Variants in SH3BGR observed in about 807,000 individuals in gnomAD.
SH3BGR encodes SH3 domain binding glutamate rich protein, also known as SH3 domain-binding glutamic acid-rich protein.
In SH3BGR, 29 loss-of-function variants were observed where a neutral mutation model predicts 24.5. The ratio of observed to expected loss-of-function variants is 1.18; its 90% CI spans 0.88 to 1.61. SH3BGR has a LOEUF of 1.61. SH3BGR is among the 40% of genes most tolerant of loss of function. The probability of loss-of-function intolerance (pLI) is 0.00; values close to 1 mark genes in which losing one functional copy is unlikely to be tolerated. For synonymous variants in SH3BGR, 55 were observed against 65.7 expected (o/e 0.84, Z 0.79); for missense variants, 162 against 205.8 (o/e 0.79, Z 1.30).
intron 1 of SH3BGR, among the ~76,000 whole-genome samples, chr21:39,455,184 T>A (rs1224803745): frequency 6.6e-6 from 1 of 152,224 alleles, no homozygotes; most frequent in Non-Finnish European, 1.5e-5. Context: ...TCTGACACAG[T>A]CTAGTAGCTA....
At chr21:39,514,957 C>T in intron 6 of SH3BGR, 131 bp from the exon 7 acceptor site, 1 of 295,264 alleles carries the variant, frequency 3.4e-6, no homozygotes, top group Non-Finnish European at 6.8e-6. Context: ...CAGTGGGGAG[C>T]AAATGATGAC....
At chr21:39,450,724 G>T (rs1602054892), upstream of SH3BGR, among the ~76,000 whole-genome samples, 1 of 152,220 alleles carries the variant, frequency 6.6e-6, no homozygotes, top group African/African-American at 2.4e-5. Context: ...AAATCTATCA[G>T]AAGAATTTGC....
chr21:39,507,620 A>T (rs1172283607), intron 4 of SH3BGR, among the ~76,000 whole-genome samples: 1 of 151,728 alleles, frequency 6.6e-6, no homozygotes, highest in Admixed American at 6.6e-5. Context: ...GGCATGAGCC[A>T]CTGTGCCTGG....
In SH3BGR at chr21:39,511,427, T is replaced by G. The variant is rs1215671922; in HGVS notation, c.436-253T>G. 6.8e-6 allele frequency among the ~76,000 whole-genome samples: 1 copy of G among 146,060 alleles called. No individual in the cohort carries two copies. The highest frequency in any genetic ancestry group is 2.5e-5 in the African/African-American group (1 of 39,296). ...TGTGTCTGGGTGGTGTGTGGGGGGG[T>G]GTGTGTGCTGTGTGTCATGTGTGTT... is the stretch of plus-strand genomic sequence containing the variant. On this transcript the variant is annotated intron_variant, in intron 5 of 6. Coordinates refer to ENST00000333634, the MANE Select transcript of SH3BGR (RefSeq NM_007341.3). This position sits in a 1 kb window ranked among gnomAD's most constrained non-coding sequence, Gnocchi z 4.2.
intron 6 of SH3BGR, among the ~76,000 whole-genome samples, chr21:39,513,266 T>C (rs2078728141): frequency 1.3e-5 from 2 of 152,144 alleles, no homozygotes; most frequent in Non-Finnish European, 2.9e-5. Flanking sequence ...GGCAGGTCTC[T>C]AGTTAAGAAT....
intron 5 of SH3BGR, among the ~76,000 whole-genome samples, chr21:39,510,178 G>A (rs2078654043): frequency 7.9e-6 from 1 of 127,160 alleles, no homozygotes; most frequent in Non-Finnish European, 1.7e-5. Context: ...TCCTGACCTT[G>A]TGATCCGCCC....
In SH3BGR at chr21:39,470,104, C is replaced by G. The variant is rs184248053; in HGVS notation, c.232-5031C>G. ...TTCTCAGTTTTGCAGTTTTTTTAAT[C>G]CTTTCTTGATGTAATTTTACTAAAG... On this transcript the variant is annotated intron_variant, in intron 2 of 6. Coordinates refer to ENST00000333634, the MANE Select transcript of SH3BGR (RefSeq NM_007341.3). Among the ~76,000 whole-genome samples, 4 of 151,412 alleles carry G rather than the reference C, an allele frequency of 2.6e-5. 1 individual carries two copies. The East Asian group carries it at 7.8e-4, about 29-fold the overall frequency.
At chr21:39,496,165 G>A (rs1235825703) in intron 3 of SH3BGR, among the ~76,000 whole-genome samples, 2 of 152,140 alleles carry the variant, frequency 1.3e-5, no homozygotes, top group Non-Finnish European at 2.9e-5. Context: ...GTAATAATGT[G>A]TAATAAGTCT....
chr21:39,478,762 A>G (rs944017228), intron 3 of SH3BGR, among the ~76,000 whole-genome samples: 2 of 151,706 alleles, frequency 1.3e-5, no homozygotes, highest in Non-Finnish European at 2.9e-5. Context: ...TTAATTTTCT[A>G]CCTTATCTTC....
intron 3 of SH3BGR, among the ~76,000 whole-genome samples, chr21:39,482,595 A>C (rs2123425853): frequency 6.6e-6 from 1 of 152,376 alleles, no homozygotes; most frequent in South Asian, 2.1e-4. Flanking sequence ...TGAAAATGTT[A>C]GCAAGTGTTC....
intron 3 of SH3BGR, among the ~76,000 whole-genome samples, chr21:39,494,549 T>C (rs959863052): frequency 2.2e-4 from 34 of 152,092 alleles, no homozygotes; most frequent in Admixed American, 2.2e-3. Context: ...TTCCCTTCTG[T>C]CTTCTGATCT....
intron 1 of SH3BGR, among the ~76,000 whole-genome samples, chr21:39,461,971 C>T (rs1191976456): frequency 6.6e-6 from 1 of 152,222 alleles, no homozygotes; most frequent in East Asian, 1.9e-4. Flanking sequence ...GCCTCAGCCT[C>T]TCAAGTAGCT....
chr21:39,456,971 A>G (rs1377139443), intron 1 of SH3BGR, among the ~76,000 whole-genome samples: 1 of 151,016 alleles, frequency 6.6e-6, no homozygotes, highest in Non-Finnish European at 1.5e-5. Context: ...ATTACCATTT[A>G]TATAAGTTTA....
intron 4 of SH3BGR, among the ~76,000 whole-genome samples, chr21:39,508,240 T>C (rs949562295): frequency 2.0e-5 from 3 of 152,216 alleles, no homozygotes; most frequent in Admixed American, 6.5e-5. Context: ...CACATCTCTC[T>C]CTTTAATGAA....
At chr21:39,512,186 C>G (rs1206558370) in intron 6 of SH3BGR, among the ~76,000 whole-genome samples, 36 of 152,184 alleles carry the variant, frequency 2.4e-4, no homozygotes, top group Admixed American at 2.4e-3. Context: ...AACCTCAACT[C>G]CTCCACCAAC....
chr21:39,506,087 A>T (rs938768287), intron 4 of SH3BGR, among the ~76,000 whole-genome samples: 2 of 152,094 alleles, frequency 1.3e-5, no homozygotes, highest in East Asian at 3.9e-4. Context: ...AATCACTAAC[A>T]CCTATTTATC....
intron 3 of SH3BGR, among the ~76,000 whole-genome samples, chr21:39,495,647 T>A (rs554784587): frequency 6.6e-6 from 1 of 152,032 alleles, no homozygotes; most frequent in African/African-American, 2.4e-5. Flanking sequence ...GCCTTGCTAA[T>A]AAAAAAATTT....
intron 2 of SH3BGR, among the ~76,000 whole-genome samples, chr21:39,464,892 A>G (rs942671971): frequency 5.9e-5 from 9 of 152,102 alleles, no homozygotes; most frequent in Non-Finnish European, 1.3e-4. Flanking sequence ...CATTTCTATT[A>G]TATAATTGAA....
intron 2 of SH3BGR, among the ~76,000 whole-genome samples, chr21:39,463,886 G>C (rs888337488): frequency 7.9e-5 from 12 of 152,144 alleles, no homozygotes; most frequent in African/African-American, 2.9e-4. Flanking sequence ...CCACACACAC[G>C]GTGGCTAAAA....
Sources: gnomAD v4.1 joint callset for allele counts (sites outside exome capture counted in the v4.1 genomes callset) on GRCh38, gnomAD v4.1.1 for gene constraint, Gnocchi (gnomAD v3.1) non-coding constraint, MANE v1.5 for transcripts, NCBI Gene and HGNC (gene_info 2026-07-23, HGNC 2026-07-21) for gene names.